CALN1: variants seen among roughly 807,000 people sequenced by gnomAD.
CALN1 encodes calcium-binding protein 8.
A neutral mutation model predicts 30.6 loss-of-function variants in CALN1; 17 were observed. That is an observed-to-expected ratio of 0.56 (90% CI 0.38 to 0.83). CALN1 has a LOEUF of 0.83. Among genes scored for constraint, CALN1 ranks in the 40% least tolerant of loss-of-function variants. The pLI is 0.00. For missense variants in CALN1, 291 were observed against 354.9 expected (o/e 0.82, Z 1.45); for synonymous variants, 156 against 131.4 (o/e 1.19, Z -1.28).
chr7:72,464,282 C>A, the CALN1 span, among the ~76,000 whole-genome samples: 10,201 of 152,148 alleles, frequency 0.067, 1,154 homozygotes, highest in African/African-American at 0.23. Context: ...GCACTCCAGC[C>A]TGGGTAACAA....
At chr7:71,894,688 T>G (rs1184671004) in intron 5 of CALN1, among the ~76,000 whole-genome samples, 1 of 152,258 alleles carries the variant, frequency 6.6e-6, no homozygotes, top group Non-Finnish European at 1.5e-5. Flanking sequence ...CACAATGATC[T>G]ATGCATTAAT....
the CALN1 span, among the ~76,000 whole-genome samples, chr7:72,502,040 CGTT>C: frequency 7.4e-6 from 1 of 134,558 alleles, no homozygotes; most frequent in Non-Finnish European, 1.5e-5. Context: ...TCTAAGTAAA[CGTT>C]AGAAAGACTT....
intron 3 of CALN1, among the ~76,000 whole-genome samples, chr7:72,253,913 A>G (rs1199687569): frequency 3.3e-5 from 5 of 152,030 alleles, no homozygotes; most frequent in South Asian, 2.1e-4. Context: ...GTTAATTTTT[A>G]TATTTTTAAT....
chr7:72,381,754 G>A (rs923379913), intron 2 of CALN1, among the ~76,000 whole-genome samples: 1 of 152,156 alleles, frequency 6.6e-6, no homozygotes, highest in Admixed American at 6.5e-5. Flanking sequence ...AATGCATGCA[G>A]GGCTTAAAAC....
At chr7:71,872,282 CAGTA>C (rs1210276082) in intron 5 of CALN1, among the ~76,000 whole-genome samples, 4 of 152,162 alleles carry the variant, frequency 2.6e-5, no homozygotes, top group Non-Finnish European at 5.9e-5. Flanking sequence ...AGTAGGTGTT[CAGTA>C]AGTGAGTCAA....
chr7:72,323,878 T>C (rs1393795676), intron 2 of CALN1, among the ~76,000 whole-genome samples: 4 of 151,756 alleles, frequency 2.6e-5, no homozygotes, highest in South Asian at 2.1e-4. Flanking sequence ...ACCCCATCTG[T>C]ACAAAAAACA....
intron 2 of CALN1, among the ~76,000 whole-genome samples, chr7:72,301,901 A>G (rs1436773999): frequency 6.6e-6 from 1 of 152,222 alleles, no homozygotes; most frequent in East Asian, 1.9e-4. Context: ...AAGGATTGCC[A>G]GACACTTCAA....
At chr7:72,010,805 CAA>C (rs201289509) in intron 5 of CALN1, among the ~76,000 whole-genome samples, 2 of 97,050 alleles carry the variant, frequency 2.1e-5, no homozygotes, top group African/African-American at 3.3e-5. Context: ...GACCCTGTCT[CAA>C]AAAAAAAAAA....
At chr7:71,948,176 G>A (rs1001582510) in intron 5 of CALN1, among the ~76,000 whole-genome samples, 19 of 152,212 alleles carry the variant, frequency 1.2e-4, no homozygotes, top group African/African-American at 4.6e-4. Context: ...CAATCGGTCT[G>A]GGGAAGGTGT....
chr7:71,882,326 T>A (rs1792620942), intron 5 of CALN1, among the ~76,000 whole-genome samples: 1 of 152,208 alleles, frequency 6.6e-6, no homozygotes. Context: ...TGAAGACCCT[T>A]GTGATTACAC....
intron 1 of CALN1, among the ~76,000 whole-genome samples, chr7:72,445,019 G>C (rs569258712): frequency 2.0e-5 from 3 of 149,790 alleles, no homozygotes; most frequent in African/African-American, 4.9e-5. Flanking sequence ...TGGGACCTGC[G>C]TACAGCTTCT....
At chr7:72,063,465 G>C (rs1209744970) in intron 4 of CALN1, among the ~76,000 whole-genome samples, 1 of 152,150 alleles carries the variant, frequency 6.6e-6, no homozygotes, top group East Asian at 1.9e-4. Flanking sequence ...CAGCCATCCT[G>C]TATCCACAGG....
intron 4 of CALN1, among the ~76,000 whole-genome samples, chr7:72,062,725 GA>G (rs1381703320): frequency 6.6e-6 from 1 of 151,926 alleles, no homozygotes; most frequent in East Asian, 1.9e-4. Context: ...CCTTTAACTA[GA>G]ATGACAAAGG....
rs991753278 is a variant in CALN1, at chr7:72,385,558, G to C, written c.119+17693C>G. Among the ~76,000 whole-genome samples the C allele has an allele frequency of 2.7e-4, 41 of 151,942 alleles. 1 individual carries two copies. The highest frequency in any genetic ancestry group is 8.8e-5 in the Non-Finnish European group (6 of 67,992). The stretch of plus-strand genomic sequence containing the variant: ...CATCCCCAGGTACCACAGGAAAATG[G>C]AATACTATTCAGTTATAAAAAAGAA... On this transcript the variant is annotated intron_variant, in intron 2 of 6. Coordinates refer to ENST00000395275, the MANE Select transcript of CALN1 (RefSeq NM_031468.4).
chr7:72,303,829 A>G (rs753603829), intron 2 of CALN1, among the ~76,000 whole-genome samples: 2 of 152,118 alleles, frequency 1.3e-5, no homozygotes, highest in Non-Finnish European at 2.9e-5. Context: ...AGCTCTGATC[A>G]TGCCACTGTA....
chr7:72,470,800 C>T, the CALN1 span, among the ~76,000 whole-genome samples: 48 of 152,226 alleles, frequency 3.2e-4, no homozygotes, highest in African/African-American at 1.1e-3. Flanking sequence ...AAACCCATAT[C>T]CAGAATTAGT....
chr7:71,908,749 G>A (rs1202091282), intron 5 of CALN1, among the ~76,000 whole-genome samples: 3 of 152,168 alleles, frequency 2.0e-5, no homozygotes, highest in African/African-American at 4.8e-5. Context: ...AACTGAGGTA[G>A]AGCCTCCTAC....
chr7:72,239,803 T>A (rs927496694), intron 3 of CALN1, among the ~76,000 whole-genome samples: 4 of 152,172 alleles, frequency 2.6e-5, no homozygotes, highest in African/African-American at 4.8e-5. Context: ...TGTGCACCAC[T>A]TAGTACACAA....
intron 5 of CALN1, among the ~76,000 whole-genome samples, chr7:71,895,385 T>G (rs1179076249): frequency 6.6e-6 from 1 of 152,154 alleles, no homozygotes; most frequent in Non-Finnish European, 1.5e-5. Context: ...TAACTTTATC[T>G]CATTTTAATT....
Sources: allele counts gnomAD v4.1 joint callset (sites outside exome capture counted in the v4.1 genomes callset), GRCh38; gene constraint gnomAD v4.1.1; transcripts MANE v1.5; gene names NCBI Gene and HGNC (gene_info 2026-07-23, HGNC 2026-07-21).